The following KIF4A variants were observed in gnomAD, a reference collection of about 807,000 sequenced individuals.
KIF4A encodes chromosome-associated kinesin KIF4A.
In KIF4A, 7 loss-of-function variants were observed where a neutral mutation model predicts 105.9. The ratio of observed to expected loss-of-function variants is 0.07; its 90% CI spans 0.04 to 0.12. KIF4A has a LOEUF of 0.12. Ranked by LOEUF, KIF4A falls within the 10% of genes least tolerant of loss-of-function variation. The probability of loss-of-function intolerance (pLI) is 1.00; values close to 1 mark genes in which losing one functional copy is unlikely to be tolerated. For missense variants in KIF4A, 558 were observed against 929.2 expected (o/e 0.60, Z 5.19); for synonymous variants, 281 against 331.3 (o/e 0.85, Z 1.65).
chrX:70,413,165 G>A (rs2086329177), intron 28 of KIF4A, among the ~76,000 whole-genome samples: 1 of 112,406 alleles, frequency 8.9e-6, no homozygotes, highest in Non-Finnish European at 1.9e-5. Context: ...TCTAGATGCT[G>A]AGAAGACATG....
At chrX:70,354,243 TAGTC>T (rs2086042661) in intron 15 of KIF4A, among the ~76,000 whole-genome samples, 1 of 112,884 alleles carries the variant, frequency 8.9e-6, no homozygotes, top group African/African-American at 3.2e-5. Context: ...TGCCAATTAA[TAGTC>T]AGGTCTTTAC....
chrX:70,371,307 G>A (rs2086131496), intron 15 of KIF4A, among the ~76,000 whole-genome samples: 1 of 109,536 alleles, frequency 9.1e-6, no homozygotes, highest in African/African-American at 3.3e-5. Flanking sequence ...TGGGGGTAAG[G>A]TCACAGATCA....
At position 70,365,072 on chromosome X, in the gene KIF4A, T is replaced by C. The variant is rs188277935; in HGVS notation, c.1675-9079T>C. Reference sequence around the variant, plus strand: ...TGTTATTGGTGTATAAGAATGCTTGTGATTTTTGCACATTGATTTTGTATC... The same window carrying C: ...TGTTATTGGTGTATAAGAATGCTTGCGATTTTTGCACATTGATTTTGTATC... On this transcript the variant is annotated intron_variant, in intron 15 of 30. Coordinates refer to ENST00000374403, the MANE Select transcript of KIF4A (RefSeq NM_012310.5). Among the ~76,000 whole-genome samples the C allele has an allele frequency of 5.8e-3, 647 of 111,955 alleles. 1 individual carries two copies. Among genetic ancestry groups the C allele is most frequent in the African/African-American group, 0.02 (611 of 30,812 alleles).
At chrX:70,372,821 T>C (rs1178822306) in intron 15 of KIF4A, among the ~76,000 whole-genome samples, 1 of 113,241 alleles carries the variant, frequency 8.8e-6, no homozygotes, top group Non-Finnish European at 1.9e-5. Context: ...TCTACCTTTT[T>C]ATCTTATTTG....
At chrX:70,290,833 A>G in intron 3 of KIF4A, 28 bp downstream of exon 3, 1 of 993,288 alleles carries the variant, frequency 1.0e-6, no homozygotes, top group Admixed American at 2.2e-5. Flanking sequence ...CTCGAACGTA[A>G]CATATATATT....
chrX:70,299,928 A>G (rs1187624010), intron 5 of KIF4A, among the ~76,000 whole-genome samples: 1 of 112,012 alleles, frequency 8.9e-6, no homozygotes, highest in African/African-American at 3.2e-5. Flanking sequence ...GTGAGGCAAA[A>G]TTGAGAGTTT....
chrX:70,383,202 A>G (rs2147727469), intron 18 of KIF4A, among the ~76,000 whole-genome samples: 1 of 110,058 alleles, frequency 9.1e-6, no homozygotes, highest in African/African-American at 3.3e-5. Context: ...AAAAAAAAAA[A>G]GAACTCTTAC....
chrX:70,302,132 C>T lies in KIF4A; in HGVS notation c.683+66C>T, dbSNP rs1194489542. ...TCTATTAAGGTTAAACATTAGACTG[C>T]TTCTTCAATTGATTTGACAAATCAT... On this transcript the variant is annotated intron_variant, in intron 6 of 30. Transcript: ENST00000374403. The T allele has an allele frequency of 1.4e-5, 16 of 1,133,206 alleles. No individual in the cohort carries two copies. In the Admixed American group the frequency reaches 1.6e-4, roughly 12 times the overall value. The allele number at this position is 1,133,206 out of a possible 1,213,427, so 93.4% of individuals were successfully genotyped here. A position where few individuals can be genotyped will look rare whatever the true frequency, so the allele number is the denominator to read the frequency against.
chrX:70,413,832 A>G (rs2086332592), intron 28 of KIF4A, among the ~76,000 whole-genome samples: 1 of 110,923 alleles, frequency 9.0e-6, no homozygotes, highest in Non-Finnish European at 1.9e-5. Flanking sequence ...TGAGAAGGAA[A>G]TATCTAAGCT....
intron 15 of KIF4A, among the ~76,000 whole-genome samples, chrX:70,368,351 GCT>G (rs1260399102): frequency 8.9e-6 from 1 of 112,045 alleles, no homozygotes; most frequent in Non-Finnish European, 1.9e-5. Flanking sequence ...CAGTTTTTCT[GCT>G]CTGTTTTTTC....
At chrX:70,304,426 A>G (rs1793537540) in intron 7 of KIF4A, among the ~76,000 whole-genome samples, 1 of 104,180 alleles carries the variant, frequency 9.6e-6, no homozygotes, top group South Asian at 4.7e-4. Context: ...TTATAGCAGC[A>G]TGATTTATAG....
At chrX:70,369,791 C>CGT (rs747028427) in intron 15 of KIF4A, among the ~76,000 whole-genome samples, 1,506 of 110,939 alleles carry the variant, frequency 0.014, 20 homozygotes, top group Non-Finnish European at 0.023. Context: ...TAAACACACA[C>CGT]GTGTGTGTGT....
chrX:70,350,694 C>T (rs770108426), intron 13 of KIF4A, among the ~76,000 whole-genome samples: 12 of 111,063 alleles, frequency 1.1e-4, no homozygotes, highest in Admixed American at 5.7e-4. Flanking sequence ...CAAAAAAGAG[C>T]GAGGGGAGAG....
intron 7 of KIF4A, among the ~76,000 whole-genome samples, chrX:70,328,996 T>C (rs907492324): frequency 5.4e-5 from 6 of 111,919 alleles, no homozygotes; most frequent in East Asian, 2.8e-4. Flanking sequence ...TCTGAGCTTC[T>C]TTCTTTATCT....
At position 70,420,407 on chromosome X, in the gene KIF4A, T is replaced by G; in HGVS notation, c.*142T>G. On this transcript the variant is annotated 3_prime_UTR_variant, in exon 31 of 31. Coordinates refer to ENST00000374403, the MANE Select transcript of KIF4A (RefSeq NM_012310.5). ...GAACAAAGCGTTACTGAAAAGAAGG[T>G]AACCTTTGTTGGATGTGGGCCTTAG... The G allele has an allele frequency of 6.5e-5, 53 of 812,620 alleles. No homozygotes were observed. Among genetic ancestry groups the G allele is most frequent in the South Asian group, 8.7e-5 (3 of 34,349 alleles). The allele number at this position is 812,620 out of a possible 1,213,427, so 67.0% of individuals were successfully genotyped here.
chrX:70,376,166 T>C lies in KIF4A; in HGVS notation c.1990T>C (p.Trp664Arg). ...MKEDAEKFRQ[W>R]KQKKDKEVIQ... The stretch of plus-strand genomic sequence containing the variant: ...AGAAGATGCTGAGAAGTTTAGACAG[T>C]GGAAGCAGAAAAAAGACAAAGAAGT... The change falls in exon 18 of 31, where the codon TGG becomes CGG. Residue 664 changes from tryptophan (W) to arginine (R), a missense_variant. Physicochemically the swap from Trp to Arg is moderately radical, Grantham distance 101 (BLOSUM62 -3). Transcript: ENST00000374403. 8.3e-7 allele frequency: 1 copy of C among 1,205,262 alleles called. No individual in the cohort carries two copies. Among genetic ancestry groups the C allele is most frequent in the Non-Finnish European group, 1.1e-6 (1 of 890,075 alleles).
intron 28 of KIF4A, among the ~76,000 whole-genome samples, chrX:70,410,519 T>C (rs1216864677): frequency 8.9e-6 from 1 of 111,818 alleles, no homozygotes; most frequent in Non-Finnish European, 1.9e-5. Context: ...ACCTATGCAA[T>C]GCAGGGTCTA....
intron 9 of KIF4A, among the ~76,000 whole-genome samples, chrX:70,331,757 A>G (rs1397382818): frequency 1.8e-5 from 2 of 112,205 alleles, no homozygotes; most frequent in Non-Finnish European, 3.8e-5. Context: ...GGACTCATGG[A>G]CAATATTAAA....
chrX:70,351,636 T>G (rs2086031030), intron 13 of KIF4A, among the ~76,000 whole-genome samples: 1 of 112,520 alleles, frequency 8.9e-6, no homozygotes, highest in African/African-American at 3.2e-5. Flanking sequence ...CAGTTCTTAT[T>G]TACATGAGGG....
Sources: allele counts gnomAD v4.1 joint callset (sites outside exome capture counted in the v4.1 genomes callset), GRCh38; gene constraint gnomAD v4.1.1; transcripts MANE v1.5; gene names NCBI Gene and HGNC (gene_info 2026-07-23, HGNC 2026-07-21).